RPL39L: variants seen among roughly 807,000 people sequenced by gnomAD.
RPL39L encodes the protein ribosomal protein eL39-like 2.
For synonymous variants in RPL39L, 16 were observed against 20.1 expected (o/e 0.80, Z 0.55); for missense variants, 48 against 58.9 (o/e 0.81, Z 0.61).
intron 2 of RPL39L, among the ~76,000 whole-genome samples, chr3:187,125,079 C>T (rs1389856757): frequency 6.6e-6 from 1 of 152,114 alleles, no homozygotes; most frequent in Non-Finnish European, 1.5e-5. Context: ...GGAGCATGTG[C>T]TACTAAATAA....
chr3:187,129,843 C>CTTTT (rs59449021), intron 1 of RPL39L, among the ~76,000 whole-genome samples: 3 of 143,336 alleles, frequency 2.1e-5, no homozygotes, highest in African/African-American at 7.7e-5. Flanking sequence ...CCCCTCCACC[C>CTTTT]TTTTTTTTTT....
chr3:187,125,020 G>A (rs1393137316), intron 2 of RPL39L, among the ~76,000 whole-genome samples: 2 of 152,124 alleles, frequency 1.3e-5, no homozygotes, highest in African/African-American at 4.8e-5. Flanking sequence ...TAATAAATGT[G>A]GTCTAAAACC....
At chr3:187,138,392 A>G (rs984609778) in intron 1 of RPL39L, among the ~76,000 whole-genome samples, 1 of 152,210 alleles carries the variant, frequency 6.6e-6, no homozygotes, top group Non-Finnish European at 1.5e-5. Context: ...TCTCTGGATG[A>G]ATCCAGATGT....
chr3:187,123,064 A>C lies in RPL39L; in HGVS notation c.-28-1736T>G, dbSNP rs564028953. ...TATCATGGTAAGGAAATACCAGAAGAAATAAGAGTGCTAATTATACTGTCT... is the reference window on the plus strand; with the variant it reads ...TATCATGGTAAGGAAATACCAGAAGCAATAAGAGTGCTAATTATACTGTCT... On this transcript the variant is annotated intron_variant, in intron 2 of 2. Transcript: ENST00000296277. Among the ~76,000 whole-genome samples the C allele has an allele frequency of 2.5e-4, 38 of 152,310 alleles. No individual in the cohort carries two copies. In the South Asian group the frequency reaches 7.9e-3, roughly 32 times the overall value.
chr3:187,121,105 G>C lies in RPL39L; in HGVS notation c.*40C>G, dbSNP rs1260453323. On this transcript the variant is annotated 3_prime_UTR_variant, in exon 3 of 3. Transcript: ENST00000296277. Reference sequence around the variant, plus strand: ...GATATCGTAAGATGATCGTGAACTTGATACAGCATAAATATGTGTGCCATC... The same window carrying C: ...GATATCGTAAGATGATCGTGAACTTCATACAGCATAAATATGTGTGCCATC... 1 of 1,606,620 alleles carries C rather than the reference G, an allele frequency of 6.2e-7. No homozygotes were observed. The highest frequency in any genetic ancestry group is 2.2e-5 in the East Asian group (1 of 44,874).
At chr3:187,134,483 T>TA (rs72169562) in intron 1 of RPL39L, among the ~76,000 whole-genome samples, 32,031 of 93,318 alleles carry the variant, frequency 0.34, 4,479 homozygotes, top group East Asian at 0.57. Context: ...GCCTGACTGA[T>TA]AAAAAAAAAA....
chr3:187,135,260 A>G (rs974372997), intron 1 of RPL39L, among the ~76,000 whole-genome samples: 5 of 152,160 alleles, frequency 3.3e-5, no homozygotes, highest in African/African-American at 4.8e-5. Context: ...ACTGAGCCTC[A>G]TGATGGGACG....
At chr3:187,128,972 G>A (rs878940204) in intron 1 of RPL39L, among the ~76,000 whole-genome samples, 1 of 152,134 alleles carries the variant, frequency 6.6e-6, no homozygotes, top group Admixed American at 6.5e-5. Context: ...GCAGAGAGCT[G>A]TATGCACCCA....
chr3:187,136,749 T>A (rs1720586834), intron 1 of RPL39L, among the ~76,000 whole-genome samples: 1 of 152,194 alleles, frequency 6.6e-6, no homozygotes, highest in Non-Finnish European at 1.5e-5. Context: ...AAATATAATG[T>A]GAGCCCCACA....
At chr3:187,133,535 A>G (rs1720521755) in intron 1 of RPL39L, among the ~76,000 whole-genome samples, 1 of 152,120 alleles carries the variant, frequency 6.6e-6, no homozygotes, top group Non-Finnish European at 1.5e-5. Flanking sequence ...AAACAGACTA[A>G]TACAGGGAAG....
At chr3:187,126,575 T>C (rs567027569) in intron 2 of RPL39L, among the ~76,000 whole-genome samples, 1 of 152,302 alleles carries the variant, frequency 6.6e-6, no homozygotes, top group East Asian at 1.9e-4. Flanking sequence ...TAGGTCAGTC[T>C]GCCAGCTGAA....
intron 1 of RPL39L, among the ~76,000 whole-genome samples, chr3:187,131,908 T>A (rs1417840163): frequency 6.6e-6 from 1 of 152,220 alleles, no homozygotes; most frequent in East Asian, 1.9e-4. Flanking sequence ...TGTACTAATG[T>A]CACTATCTTG....
intron 2 of RPL39L, among the ~76,000 whole-genome samples, chr3:187,121,828 G>C (rs1449239195): frequency 2.0e-5 from 3 of 152,128 alleles, no homozygotes; most frequent in Non-Finnish European, 1.5e-5. Flanking sequence ...TATAAATTGA[G>C]ATATTGTAGA....
intron 2 of RPL39L, among the ~76,000 whole-genome samples, chr3:187,122,015 CCCA>C (rs1246776631): frequency 2.6e-5 from 4 of 152,100 alleles, no homozygotes; most frequent in Non-Finnish European, 5.9e-5. Context: ...GTAATTCATC[CCCA>C]CAACACTTAA....
chr3:187,133,722 T>C (rs759861104), intron 1 of RPL39L, among the ~76,000 whole-genome samples: 7 of 151,992 alleles, frequency 4.6e-5, no homozygotes, highest in African/African-American at 9.7e-5. Flanking sequence ...TATAGGCTCA[T>C]TGGGAAGGCT....
intron 1 of RPL39L, among the ~76,000 whole-genome samples, chr3:187,128,700 T>G (rs1212067393): frequency 6.6e-6 from 1 of 152,184 alleles, no homozygotes; most frequent in East Asian, 1.9e-4. Flanking sequence ...TAGTTACTGA[T>G]TCTGGCAGCT....
rs141284082 is a variant in RPL39L at position 187,132,865 on chromosome 3, G to A, written c.-92-4803C>T. Reference sequence around the variant, plus strand: ...CAGATCCAGGCAAACTGGAACAACTGGTCACCCCACCTAAGGTCACAGACC... The same window carrying A: ...CAGATCCAGGCAAACTGGAACAACTAGTCACCCCACCTAAGGTCACAGACC... On this transcript the variant is annotated intron_variant, in intron 1 of 2. Transcript: ENST00000296277. 5.8e-3 allele frequency among the ~76,000 whole-genome samples: 883 copies of A among 152,234 alleles called. 8 individuals are homozygous for A. The highest frequency in any genetic ancestry group is 0.018 in the African/African-American group (762 of 41,534).
At chr3:187,134,482 A>G (rs769236696) in intron 1 of RPL39L, among the ~76,000 whole-genome samples, 93 of 118,658 alleles carry the variant, frequency 7.8e-4, no homozygotes, top group Admixed American at 1.3e-3. Flanking sequence ...AGCCTGACTG[A>G]TAAAAAAAAA....
At chr3:187,124,595 T>C (rs1176878636) in intron 2 of RPL39L, among the ~76,000 whole-genome samples, 1 of 152,162 alleles carries the variant, frequency 6.6e-6, no homozygotes, top group Admixed American at 6.5e-5. Context: ...ATTCTGAGAG[T>C]TCAAGGCACT....
Sources: gnomAD v4.1 joint callset for allele counts (sites outside exome capture counted in the v4.1 genomes callset) on GRCh38, gnomAD v4.1.1 for gene constraint, MANE v1.5 for transcripts, NCBI Gene and HGNC (gene_info 2026-07-23, HGNC 2026-07-21) for gene names.